The following ANK3 variants were observed in gnomAD, a reference collection of about 807,000 sequenced individuals.
ANK3 encodes ankyrin 3.
A neutral mutation model predicts 370.9 loss-of-function variants in ANK3; 57 were observed. The ratio of observed to expected loss-of-function variants is 0.15; its 90% CI spans 0.12 to 0.19. The LOEUF (loss-of-function observed/expected upper bound fraction) is 0.19, where lower values mean the gene tolerates loss of function less well. ANK3 is among the 10% of genes least tolerant of loss of function. The pLI is 1.00. For missense variants in ANK3, 4,439 were observed against 5,302.1 expected, an observed-to-expected ratio of 0.84 and a Z score of 5.06; for synonymous variants, 1,929 against 1,946.3, an observed-to-expected ratio of 0.99 and a Z score of 0.23.
intron 2 of ANK3, among the ~76,000 whole-genome samples, chr10:60,512,839 T>C (rs1418031528): frequency 6.6e-6 from 1 of 152,150 alleles, no homozygotes; most frequent in Non-Finnish European, 1.5e-5. Flanking sequence ...ACGGTTAGAA[T>C]ATAGCAGTAA....
At chr10:60,250,488 C>T (rs1332099991) in intron 7 of ANK3, among the ~76,000 whole-genome samples, 3 of 152,198 alleles carry the variant, frequency 2.0e-5, no homozygotes, top group South Asian at 2.1e-4. Context: ...CCTCAGCCTC[C>T]CCAGTAGCTG....
intron 7 of ANK3, among the ~76,000 whole-genome samples, chr10:60,239,588 C>G (rs953461980): frequency 6.6e-6 from 1 of 152,028 alleles, no homozygotes; most frequent in Non-Finnish European, 1.5e-5. Context: ...GAGAATTCAT[C>G]ATCAGCAGAC....
chr10:60,091,879 C>T (rs576899944), intron 28 of ANK3, among the ~76,000 whole-genome samples: 5 of 152,026 alleles, frequency 3.3e-5, no homozygotes, highest in East Asian at 1.9e-4. Context: ...TACAGGCATG[C>T]GCCACCATGC....
intron 2 of ANK3, among the ~76,000 whole-genome samples, chr10:60,511,505 G>A (rs2076078959): frequency 6.6e-6 from 1 of 152,122 alleles, no homozygotes. Context: ...CATAATAAAA[G>A]CTATTGGCTA....
chr10:60,526,744 G>T (rs1247487609), intron 2 of ANK3, among the ~76,000 whole-genome samples: 1 of 152,064 alleles, frequency 6.6e-6, no homozygotes, highest in South Asian at 2.1e-4. Context: ...TTTAGAAAAA[G>T]ACTAGTATGA....
intron 1 of ANK3, among the ~76,000 whole-genome samples, chr10:60,286,950 T>G (rs946165296): frequency 2.6e-5 from 4 of 152,180 alleles, no homozygotes; most frequent in Admixed American, 6.5e-5. Flanking sequence ...AGGGATTCCT[T>G]GTGGTTACAA....
chr10:60,042,979 A>C, intron 42 of ANK3: 4 of 1,314,928 alleles, frequency 3.0e-6, no homozygotes, highest in South Asian at 4.4e-5. Context: ...ACATAATTGT[A>C]CTTGACAATA....
chr10:60,487,270 A>C (rs2075373073), intron 2 of ANK3, among the ~76,000 whole-genome samples: 1 of 152,216 alleles, frequency 6.6e-6, no homozygotes, highest in East Asian at 1.9e-4. Flanking sequence ...AGATAAGAGA[A>C]CAGGGAGTGG....
chr10:60,445,108 G>A lies in ANK3; in HGVS notation c.97-165469C>T, dbSNP rs989972322. Reference sequence around the variant, plus strand: ...CTAGATTACAAGAAAACTAATTATTGAAACTATGTTTTAAAAAACGATAAA... The same window carrying A: ...CTAGATTACAAGAAAACTAATTATTAAAACTATGTTTTAAAAAACGATAAA... On this transcript the variant is annotated intron_variant, in intron 2 of 43. Transcript: ENST00000373827. Among the ~76,000 whole-genome samples the A allele has an allele frequency of 2.6e-5, 4 of 152,118 alleles. No homozygotes were observed. In the East Asian group the frequency reaches 7.7e-4, roughly 29 times the overall value.
chr10:60,073,740 C>A lies in ANK3; in HGVS notation c.7141G>T (p.Asp2381Tyr), dbSNP rs367600332. 6.2e-7 allele frequency: 1 copy of A among 1,613,876 alleles called. No individual in the cohort carries two copies. Among genetic ancestry groups the A allele is most frequent in the African/African-American group, 1.3e-5 (1 of 75,014 alleles). Residue 2381 changes from aspartate to tyrosine, a missense_variant, in exon 37 of 44, where the codon GAT becomes TAT. By Grantham distance (160) the Asp-to-Tyr change is radical (BLOSUM62 -3). Around this residue, in one of 13 missense-constraint regions of ANK3, gnomAD observed 1,601 missense variants for 1,731.7 expected, o/e 0.92. Coordinates refer to ENST00000280772, the MANE Select transcript of ANK3 (RefSeq NM_020987.5). ...NLKDFLPEKH[D>Y]AFPCSEEQGQ... is the part of the protein sequence containing the mutation. ...TGTTCCTCTGAACAAGGAAAAGCATCGTGTTTTTCTGGCAGAAAATCTTTT... is the reference window on the plus strand; with the variant it reads ...TGTTCCTCTGAACAAGGAAAAGCATAGTGTTTTTCTGGCAGAAAATCTTTT...
In ANK3 at chr10:60,543,053, C is replaced by A. The variant is rs1236114200; in HGVS notation, c.96+72133G>T. Among the ~76,000 whole-genome samples, 4 of 152,024 alleles carry A rather than the reference C, an allele frequency of 2.6e-5. No homozygotes were observed. The East Asian group carries it at 7.7e-4, about 29-fold the overall frequency. ...TTTAAATAGTCCTTAAGGGATTGTG[C>A]TATCTATATTACTTAGAATCTCATG... is the stretch of plus-strand genomic sequence containing the variant. On this transcript the variant is annotated intron_variant, in intron 2 of 43. Coordinates refer to the ANK3 transcript ENST00000373827.
intron 2 of ANK3, among the ~76,000 whole-genome samples, chr10:60,495,958 T>C (rs1394549000): frequency 6.6e-6 from 1 of 151,836 alleles, no homozygotes; most frequent in African/African-American, 2.4e-5. Context: ...GACAGATTAC[T>C]GGTGTGTGCA....
In ANK3 at chr10:60,071,751, A is replaced by T; in HGVS notation, c.9130T>A (p.Ser3044Thr). ...LCPPLEETET[S>T]PTKSPDSLEF... is the part of the protein sequence containing the mutation. Reference sequence around the variant, plus strand: ...AAAGAATCAGGAGATTTGGTGGGGGAGGTTTCGGTTTCCTCGAGAGGTGGG... The same window carrying T: ...AAAGAATCAGGAGATTTGGTGGGGGTGGTTTCGGTTTCCTCGAGAGGTGGG... Residue 3044 changes from serine (S) to threonine (T), a missense_variant, in exon 37 of 44, where the codon TCC becomes ACC. Around this residue, in one of 13 missense-constraint regions of ANK3, gnomAD observed 1,601 missense variants for 1,731.7 expected, o/e 0.92. Coordinates refer to ENST00000280772, the MANE Select transcript of ANK3 (RefSeq NM_020987.5). 1 of 1,597,548 alleles carries T rather than the reference A, an allele frequency of 6.3e-7. No homozygotes were observed. Among genetic ancestry groups the T allele is most frequent in the Non-Finnish European group, 8.5e-7 (1 of 1,173,832 alleles).
chr10:60,173,018 G>C lies in ANK3; in HGVS notation c.2284-20C>G, dbSNP rs147957050. 47 of 1,607,804 alleles carry C rather than the reference G, an allele frequency of 2.9e-5. No individual in the cohort carries two copies. In the African/African-American group the frequency reaches 5.6e-4, roughly 19 times the overall value. ...CCCATTCTGTAGAAGGAAGATGGAA[G>C]AGATGATTCTTAATTCCTTTGAAGC... On this transcript the variant is annotated intron_variant, in intron 19 of 43. Coordinates refer to ENST00000280772, the MANE Select transcript of ANK3 (RefSeq NM_020987.5).
chr10:60,606,993 T>C lies in ANK3; in HGVS notation c.96+8193A>G, dbSNP rs530161711. On this transcript the variant is annotated intron_variant, in intron 2 of 43. Coordinates refer to the ANK3 transcript ENST00000373827. ...CATATTGAGTTCAAGTCTTATCTCA[T>C]GCAGAGGTATCAAGGAAATGAGAGG... 3.3e-5 allele frequency among the ~76,000 whole-genome samples: 5 copies of C among 152,288 alleles called. No homozygotes were observed. In the South Asian group the frequency reaches 1.0e-3, roughly 32 times the overall value.
intron 1 of ANK3, among the ~76,000 whole-genome samples, chr10:60,302,233 G>A (rs2043976791): frequency 6.6e-6 from 1 of 152,084 alleles, no homozygotes; most frequent in Non-Finnish European, 1.5e-5. Context: ...ATGGAAGGGG[G>A]AATCATAAGT....
At chr10:60,036,856 T>C (rs916786256) in intron 43 of ANK3, among the ~76,000 whole-genome samples, 17 of 152,154 alleles carry the variant, frequency 1.1e-4, no homozygotes, top group Non-Finnish European at 2.5e-4. Context: ...TCAATACCCA[T>C]TTCTTTTGTG....
intron 1 of ANK3, among the ~76,000 whole-genome samples, chr10:60,312,645 G>A (rs939772094): frequency 6.6e-6 from 1 of 152,154 alleles, no homozygotes; most frequent in Non-Finnish European, 1.5e-5. Context: ...AAAACAGCTT[G>A]TTCAAAGTCA....
At chr10:60,489,479 AAAATT>A (rs1260488492) in intron 2 of ANK3, among the ~76,000 whole-genome samples, 1 of 152,198 alleles carries the variant, frequency 6.6e-6, no homozygotes, top group Non-Finnish European at 1.5e-5. Context: ...AAAATATAGA[AAAATT>A]AAATTAAAAC....
Sources: allele counts gnomAD v4.1 joint callset (sites outside exome capture counted in the v4.1 genomes callset), GRCh38; gene constraint gnomAD v4.1.1; regional missense constraint gnomAD v4.1.1; transcripts MANE v1.5; gene names NCBI Gene and HGNC (gene_info 2026-07-23, HGNC 2026-07-21).